ASTN1: variants seen among roughly 807,000 people sequenced by gnomAD.
The protein encoded by ASTN1 is astrotactin-1.
A neutral mutation model predicts 140.7 loss-of-function variants in ASTN1; 41 were observed. The ratio of observed to expected loss-of-function variants is 0.29; its 90% CI spans 0.23 to 0.38. The LOEUF (loss-of-function observed/expected upper bound fraction) is 0.38, where lower values mean the gene tolerates loss of function less well. Ranked by LOEUF, ASTN1 falls within the 10% of genes least tolerant of loss-of-function variation. ASTN1 has a pLI of 1.00. For synonymous variants in ASTN1, 640 were observed against 652.2 expected (o/e 0.98, Z 0.29); for missense variants, 1,479 against 1,678.8 (o/e 0.88, Z 2.08).
intron 16 of ASTN1, among the ~76,000 whole-genome samples, chr1:176,914,461 T>C (rs1175471641): frequency 6.6e-6 from 1 of 152,236 alleles, no homozygotes; most frequent in Non-Finnish European, 1.5e-5. Flanking sequence ...CAGAGGTCAT[T>C]ACAAAGCTTA....
At position 176,996,310 on chromosome 1, in the gene ASTN1, C is replaced by CACACAG. The variant is rs760390036; in HGVS notation, c.1523+18480_1523+18481insCTGTGT. Among the ~76,000 whole-genome samples, 818 of 126,534 alleles carry CACACAG rather than the reference C, an allele frequency of 6.5e-3. 15 individuals are homozygous for CACACAG. The highest frequency in any genetic ancestry group is 0.02 in the African/African-American group (733 of 37,048). The allele number at this position is 126,534 out of a possible 152,430, so 83.0% of individuals were successfully genotyped here. A position where few individuals can be genotyped will look rare whatever the true frequency, so the allele number is the denominator to read the frequency against. On this transcript the variant is annotated intron_variant, in intron 8 of 22. Transcript: ENST00000361833. ...TCTCTCACACACACACACACACACACAGAGAGAGAGAGAGAGACAGAGACA... is the reference window on the plus strand; with the variant it reads ...TCTCTCACACACACACACACACACACACACAGAGAGAGAGAGAGAGAGACAGAGACA...
chr1:177,164,509 C>G lies in ASTN1; in HGVS notation c.168G>C (p.Met56Ile). 1 of 1,613,944 alleles carries G rather than the reference C, an allele frequency of 6.2e-7. No homozygotes were observed. The highest frequency in any genetic ancestry group is 8.5e-7 in the Non-Finnish European group (1 of 1,179,940). Residue 56 changes from methionine (M) to isoleucine (I), a missense_variant, in exon 1 of 23, where the codon ATG becomes ATC. Met to Ile is a conservative substitution (Grantham distance 10). Transcript: ENST00000361833. ...PFLRENDLSI[M>I]HSPSASEPKL... is the part of the protein sequence containing the mutation. ...TGGGCTCCGAGGCCGAGGGGCTGTG[C>G]ATGATGCTCAGGTCGTTCTCGCGCA...
At chr1:177,042,196 T>C (rs1199582127) in intron 2 of ASTN1, among the ~76,000 whole-genome samples, 2 of 152,188 alleles carry the variant, frequency 1.3e-5, no homozygotes, top group African/African-American at 2.4e-5. Context: ...GTAGAAGGCC[T>C]TTCACATGGA....
At chr1:177,058,734 G>A (rs527453154) in intron 2 of ASTN1, among the ~76,000 whole-genome samples, 102 of 152,154 alleles carry the variant, frequency 6.7e-4, no homozygotes, top group Admixed American at 1.0e-3. Flanking sequence ...GATGGTGTTT[G>A]GTTACATGAG....
chr1:177,139,298 G>A (rs1277636771), intron 1 of ASTN1, among the ~76,000 whole-genome samples: 3 of 152,176 alleles, frequency 2.0e-5, no homozygotes, highest in Non-Finnish European at 2.9e-5. Flanking sequence ...AAAAACTGTG[G>A]GACTTTTGAT....
At chr1:176,892,833 TAGAA>T (rs1378281595) in intron 17 of ASTN1, among the ~76,000 whole-genome samples, 2 of 152,056 alleles carry the variant, frequency 1.3e-5, no homozygotes, top group African/African-American at 2.4e-5. Context: ...AGGGCAAAAT[TAGAA>T]AGAAAAACAG....
intron 8 of ASTN1, among the ~76,000 whole-genome samples, chr1:177,011,432 A>G (rs1011361591): frequency 2.6e-5 from 4 of 152,284 alleles, no homozygotes; most frequent in Admixed American, 2.0e-4. Context: ...TCTATAAATA[A>G]CAACCTAGCA....
intron 16 of ASTN1, among the ~76,000 whole-genome samples, chr1:176,919,175 T>C (rs566832268): frequency 1.3e-5 from 2 of 152,364 alleles, no homozygotes; most frequent in East Asian, 3.9e-4. Context: ...GCAGGGATTA[T>C]GCCTCTCATG....
intron 14 of ASTN1, among the ~76,000 whole-genome samples, chr1:176,942,111 T>C (rs1422146608): frequency 6.6e-6 from 1 of 152,252 alleles, no homozygotes; most frequent in Non-Finnish European, 1.5e-5. Flanking sequence ...TATTACTTCA[T>C]AGTTTTCATA....
chr1:176,879,217 C>A (rs1269135865), intron 20 of ASTN1, among the ~76,000 whole-genome samples: 1 of 152,164 alleles, frequency 6.6e-6, no homozygotes, highest in South Asian at 2.1e-4. Flanking sequence ...TAAGTCTAGG[C>A]CCCTGTTCTG....
At chr1:176,921,128 A>G (rs555061646) in intron 16 of ASTN1, among the ~76,000 whole-genome samples, 144 of 152,352 alleles carry the variant, frequency 9.5e-4, no homozygotes, top group African/African-American at 3.3e-3. Flanking sequence ...ACATTTGAAA[A>G]TGATGTCACT....
At chr1:177,157,973 T>A (rs373975512) in intron 1 of ASTN1, among the ~76,000 whole-genome samples, 5 of 152,364 alleles carry the variant, frequency 3.3e-5, no homozygotes, top group African/African-American at 1.2e-4. Context: ...ATGTCATTGA[T>A]GAAGGTGCCA....
intron 1 of ASTN1, among the ~76,000 whole-genome samples, chr1:177,146,057 A>G (rs1682707173): frequency 6.6e-6 from 1 of 152,214 alleles, no homozygotes; most frequent in Admixed American, 6.5e-5. Context: ...CATTACAGTA[A>G]TAAGAAACCC....
chr1:176,865,978 C>T (rs1004961043), intron 22 of ASTN1, among the ~76,000 whole-genome samples: 4 of 152,178 alleles, frequency 2.6e-5, no homozygotes, highest in Admixed American at 2.6e-4. Flanking sequence ...ATTCAATTAC[C>T]TCCCCTGAGG....
At chr1:177,068,083 T>C (rs978782714) in intron 1 of ASTN1, among the ~76,000 whole-genome samples, 2 of 152,196 alleles carry the variant, frequency 1.3e-5, no homozygotes, top group Non-Finnish European at 2.9e-5. Context: ...TGTGCCTATA[T>C]TGGCCTGGCT....
intron 2 of ASTN1, among the ~76,000 whole-genome samples, chr1:177,039,904 C>A (rs1211282358): frequency 6.6e-6 from 1 of 152,202 alleles, no homozygotes; most frequent in Non-Finnish European, 1.5e-5. Context: ...AGAAGCAGGT[C>A]ATCAACCCCA....
intron 1 of ASTN1, among the ~76,000 whole-genome samples, chr1:177,067,439 G>A (rs1678419148): frequency 6.6e-6 from 1 of 152,062 alleles, no homozygotes; most frequent in African/African-American, 2.4e-5. Context: ...CTATCATTAA[G>A]GTAACCAAAG....
At chr1:177,064,612 C>T in intron 1 of ASTN1, among the ~76,000 whole-genome samples, 1 of 152,186 alleles carries the variant, frequency 6.6e-6, no homozygotes, top group Middle Eastern at 3.2e-3. Context: ...CCCTCAGAAC[C>T]TCTCTGTGGG....
intron 16 of ASTN1, among the ~76,000 whole-genome samples, chr1:176,915,231 T>A (rs1383276595): frequency 6.6e-6 from 1 of 152,160 alleles, no homozygotes; most frequent in Non-Finnish European, 1.5e-5. Context: ...AATAGTTACA[T>A]TACTGAGGAC....
Sources: allele counts gnomAD v4.1 joint callset (sites outside exome capture counted in the v4.1 genomes callset), GRCh38; gene constraint gnomAD v4.1.1; transcripts MANE v1.5; gene names NCBI Gene and HGNC (gene_info 2026-07-23, HGNC 2026-07-21).